The following SNTG2 variants were observed in gnomAD, a reference collection of about 807,000 sequenced individuals.
The protein encoded by SNTG2 is syntrophin gamma 2, also known as gamma-2-syntrophin.
Under a neutral mutation model 70.9 loss-of-function variants are expected in SNTG2, and 74 were observed. The observed-to-expected ratio is 1.04, with a 90% CI of 0.86 to 1.27. The LOEUF (loss-of-function observed/expected upper bound fraction) is 1.27, where lower values mean the gene tolerates loss of function less well. Among genes scored for constraint, SNTG2 ranks in the 50% most tolerant of loss-of-function variants. SNTG2 has a pLI of 0.00. For synonymous variants in SNTG2, 278 were observed against 273.8 expected, an observed-to-expected ratio of 1.02 and a Z score of -0.15; for missense variants, 717 against 690.7, an observed-to-expected ratio of 1.04 and a Z score of -0.43.
At chr2:1,052,882 C>T (rs1261674638) in intron 1 of SNTG2, among the ~76,000 whole-genome samples, 1 of 152,212 alleles carries the variant, frequency 6.6e-6, no homozygotes, top group Non-Finnish European at 1.5e-5. Flanking sequence ...AGCTGCACTT[C>T]ACAGGTTTTG....
chr2:1,083,050 G>A (rs1664439136), intron 1 of SNTG2, among the ~76,000 whole-genome samples: 1 of 152,112 alleles, frequency 6.6e-6, no homozygotes, highest in African/African-American at 2.4e-5. Context: ...TTCTGAGAAG[G>A]CCGCTTCCTC....
chr2:1,245,014 C>T (rs188684169), intron 11 of SNTG2, among the ~76,000 whole-genome samples: 2 of 150,814 alleles, frequency 1.3e-5, no homozygotes, highest in Non-Finnish European at 2.9e-5. Flanking sequence ...AGTAAACTAT[C>T]GCAAGGACAA....
intron 11 of SNTG2, among the ~76,000 whole-genome samples, chr2:1,246,146 A>C (rs1677408999): frequency 6.6e-6 from 1 of 152,244 alleles, no homozygotes; most frequent in Admixed American, 6.5e-5. Flanking sequence ...CAAGAAAGAC[A>C]AAACTAAAAC....
chr2:1,137,879 G>C, intron 6 of SNTG2, 70 bp downstream of exon 6: 5 of 1,372,894 alleles, frequency 3.6e-6, no homozygotes, highest in Admixed American at 1.7e-5. Flanking sequence ...CTCTATAGTT[G>C]ATATTTCACT....
intron 1 of SNTG2, among the ~76,000 whole-genome samples, chr2:1,041,531 G>A (rs528163446): frequency 6.6e-6 from 1 of 152,288 alleles, no homozygotes; most frequent in East Asian, 1.9e-4. Context: ...CTGGTGGGAG[G>A]TGTTTGGGTC....
chr2:1,318,237 G>C (rs1213478702), intron 16 of SNTG2, among the ~76,000 whole-genome samples: 2 of 152,060 alleles, frequency 1.3e-5, no homozygotes, highest in African/African-American at 4.8e-5. Context: ...TTAAAAAATA[G>C]ACTCATGAAC....
intron 14 of SNTG2, among the ~76,000 whole-genome samples, chr2:1,279,807 G>T (rs528569906): frequency 6.6e-6 from 1 of 152,182 alleles, no homozygotes; most frequent in Non-Finnish European, 1.5e-5. Context: ...ATCCAGCTGC[G>T]AAGCAAAGTC....
intron 1 of SNTG2, among the ~76,000 whole-genome samples, chr2:984,045 G>A (rs1661219958): frequency 6.6e-6 from 1 of 152,156 alleles, no homozygotes; most frequent in Admixed American, 6.5e-5. Flanking sequence ...CTGCAGAGAG[G>A]GGCGGTGGCA....
intron 16 of SNTG2, among the ~76,000 whole-genome samples, chr2:1,363,103 A>T (rs1661287668): frequency 6.7e-6 from 1 of 148,642 alleles, no homozygotes; most frequent in Non-Finnish European, 1.5e-5. Context: ...AGATGGAATG[A>T]CTCCTGTGAA....
rs149839182 is a variant in SNTG2 at position 1,192,426 on chromosome 2, A to G, written c.592-16677A>G. ...GCGATAAGAGAAGTAGATTTAATCT[A>G]ACTTCTCAAGAATAGGAAAATAACT... On this transcript the variant is annotated intron_variant, in intron 8 of 16. Transcript: ENST00000308624. 5.5e-3 allele frequency among the ~76,000 whole-genome samples: 842 copies of G among 152,310 alleles called. 7 individuals are homozygous for G. Among genetic ancestry groups the G allele is most frequent in the African/African-American group, 0.019 (804 of 41,568 alleles).
intron 16 of SNTG2, among the ~76,000 whole-genome samples, chr2:1,327,650 G>C (rs1313373030): frequency 6.6e-6 from 1 of 152,052 alleles, no homozygotes; most frequent in African/African-American, 2.4e-5. Context: ...TTATATTACT[G>C]TATGTTATGC....
intron 14 of SNTG2, among the ~76,000 whole-genome samples, chr2:1,288,995 T>C (rs1057121136): frequency 2.0e-5 from 3 of 152,142 alleles, no homozygotes; most frequent in African/African-American, 7.2e-5. Context: ...TTTGAGATTG[T>C]TGATTACTGC....
chr2:1,266,765 T>TTTTTTTTTC (rs1205925490), intron 13 of SNTG2, among the ~76,000 whole-genome samples: 2 of 149,034 alleles, frequency 1.3e-5, no homozygotes, highest in Non-Finnish European at 3.0e-5. Context: ...TTTTTTTTTT[T>TTTTTTTTTC]CTTGAGACAG....
intron 8 of SNTG2, among the ~76,000 whole-genome samples, chr2:1,202,388 A>C (rs1403274554): frequency 6.6e-6 from 1 of 152,006 alleles, no homozygotes; most frequent in Non-Finnish European, 1.5e-5. Context: ...TACAATATTG[A>C]CTCTAAAGAA....
chr2:1,210,417 G>A (rs998783631), intron 9 of SNTG2: 1 of 152,150 alleles, frequency 6.6e-6, no homozygotes, highest in African/African-American at 2.4e-5. Flanking sequence ...ATAATGTTTT[G>A]GTCAAGGACA....
chr2:1,023,744 C>T (rs550571618), intron 1 of SNTG2, among the ~76,000 whole-genome samples: 1 of 152,268 alleles, frequency 6.6e-6, no homozygotes, highest in East Asian at 1.9e-4. Flanking sequence ...GACATTTAGA[C>T]AGCCTTAGGC....
At chr2:1,104,405 G>A (rs535132273) in intron 4 of SNTG2, among the ~76,000 whole-genome samples, 5 of 152,224 alleles carry the variant, frequency 3.3e-5, no homozygotes, top group Non-Finnish European at 5.9e-5. Flanking sequence ...TTTGATGCAT[G>A]GGTTATTGAT....
chr2:1,318,558 A>G (rs555126448), intron 16 of SNTG2, among the ~76,000 whole-genome samples: 1 of 152,358 alleles, frequency 6.6e-6, no homozygotes, highest in African/African-American at 2.4e-5. Context: ...TGCTGACCGC[A>G]GTGCCTGAGC....
chr2:1,024,063 C>T (rs929904209), intron 1 of SNTG2, among the ~76,000 whole-genome samples: 19 of 152,132 alleles, frequency 1.2e-4, no homozygotes, highest in African/African-American at 4.6e-4. Context: ...AACAACAGTC[C>T]TGCTCTCGTG....
Sources: gnomAD v4.1 joint callset for allele counts (sites outside exome capture counted in the v4.1 genomes callset) on GRCh38, gnomAD v4.1.1 for gene constraint, MANE v1.5 for transcripts, NCBI Gene and HGNC (gene_info 2026-07-23, HGNC 2026-07-21) for gene names.